POLR2M: variants seen among roughly 807,000 people sequenced by gnomAD.
POLR2M encodes the protein RNA polymerase II subunit M.
A neutral mutation model predicts 34.6 loss-of-function variants in POLR2M; 30 were observed. The ratio of observed to expected loss-of-function variants is 0.87; its 90% CI spans 0.65 to 1.18. The LOEUF is 1.18. Among genes scored for constraint, POLR2M ranks in the 50% most tolerant of loss-of-function variants. The pLI, the probability that POLR2M is intolerant of heterozygous loss-of-function variation, is 0.00. For synonymous variants in POLR2M, 150 were observed against 166.7 expected (o/e 0.90, Z 0.77); for missense variants, 432 against 448.7 (o/e 0.96, Z 0.34).
chr15:57,713,351 G>A (rs1253097880), intron 3 of POLR2M, among the ~76,000 whole-genome samples: 26 of 152,136 alleles, frequency 1.7e-4, no homozygotes, highest in Non-Finnish European at 3.5e-4. Flanking sequence ...TAGCATTGAG[G>A]AAGTGTTTAC....
intron 2 of POLR2M, among the ~76,000 whole-genome samples, chr15:57,711,767 G>C (rs1302283564): frequency 6.9e-6 from 1 of 145,732 alleles, no homozygotes; most frequent in African/African-American, 2.6e-5. Context: ...AAAAACTCCA[G>C]ATGAAATACA....
In POLR2M at chr15:57,709,282, A is replaced by G; in HGVS notation, c.682A>G (p.Lys228Glu). ...LTGLSSGTEKKPHYMEVLEMR... is the reference protein window; with the variant it reads ...LTGLSSGTEKEPHYMEVLEMR... Reference sequence around the variant, plus strand: ...AGGCCTTTCCAGTGGGACTGAGAAGAAACCTCATTACATGGAAGTGCTAGA... The same window carrying G: ...AGGCCTTTCCAGTGGGACTGAGAAGGAACCTCATTACATGGAAGTGCTAGA... Residue 228 changes from lysine (K) to glutamate (E), a missense_variant, in exon 2 of 4, where the codon AAA becomes GAA. By Grantham distance (56) the Lys-to-Glu change is moderately conservative. Transcript: ENST00000299638. 6.2e-7 allele frequency: 1 copy of G among 1,614,244 alleles called. No homozygotes were observed. Among genetic ancestry groups the G allele is most frequent in the Non-Finnish European group, 8.5e-7 (1 of 1,180,038 alleles).
rs1176450437 is a variant in POLR2M, at chr15:57,707,250, G to A, written c.113+295G>A. On this transcript the variant is annotated intron_variant, in intron 1 of 3. Transcript: ENST00000299638. ...CCCGGGGACTGTGGTGGTTCCATGAGTCTGCTTTCTAAACCCTTTTGTCGC... is the reference window on the plus strand; with the variant it reads ...CCCGGGGACTGTGGTGGTTCCATGAATCTGCTTTCTAAACCCTTTTGTCGC... 9 of 1,172,394 alleles carry A rather than the reference G, an allele frequency of 7.7e-6. No homozygotes were observed. The African/African-American group carries it at 1.2e-4, about 16-fold the overall frequency. The allele number at this position is 1,172,394 out of a possible 1,614,324, so 72.6% of individuals were successfully genotyped here. A position where few individuals can be genotyped will look rare whatever the true frequency, so the allele number is the denominator to read the frequency against.
At chr15:57,707,478 C>G (rs774699983) in intron 1 of POLR2M, 1 of 534,350 alleles carries the variant, frequency 1.9e-6, no homozygotes, top group Non-Finnish European at 3.6e-6. Context: ...CAGCTTTGTT[C>G]AGCAGCTTGT....
intron 1 of POLR2M, 84 bp downstream of exon 1, chr15:57,707,039 C>T (rs758097041): frequency 6.4e-7 from 1 of 1,551,740 alleles, no homozygotes; most frequent in Admixed American, 2.0e-5. Flanking sequence ...GCACTCTGTT[C>T]CCTTCCCTGG....
At chr15:57,712,343 T>C (rs1371379310) in intron 3 of POLR2M, among the ~76,000 whole-genome samples, 155 bp downstream of exon 3, 1 of 152,176 alleles carries the variant, frequency 6.6e-6, no homozygotes, top group African/African-American at 2.4e-5. Context: ...AGTCACAAAG[T>C]TGCTAGAACT....
Position 57,714,567 on chromosome 15 carries a change from T to C in POLR2M, c.995T>C (p.Leu332Ser), listed in dbSNP as rs1301368207. Residue 332 changes from leucine to serine, a missense_variant, in exon 4 of 4, where the codon TTA (leucine) becomes TCA (serine). Coordinates refer to ENST00000299638, the MANE Select transcript of POLR2M (RefSeq NM_015532.5). Reference sequence around the variant, plus strand: ...CAAGCAAAGCTCGCAGCGCAAAAATTAGCTGAAAGACTGAATATTAAAATG... The same window carrying C: ...CAAGCAAAGCTCGCAGCGCAAAAATCAGCTGAAAGACTGAATATTAAAATG... ...EMQAKLAAQKLAERLNIKMRS... is the reference protein window; with the variant it reads ...EMQAKLAAQKSAERLNIKMRS... 1 of 1,613,760 alleles carries C rather than the reference T, an allele frequency of 6.2e-7. No individual in the cohort carries two copies.
chr15:57,710,491 T>C (rs1372254003), intron 2 of POLR2M, among the ~76,000 whole-genome samples: 2 of 152,228 alleles, frequency 1.3e-5, no homozygotes, highest in Non-Finnish European at 2.9e-5. Context: ...CCAGCATTCA[T>C]TTTAACCTCA....
rs758533774 is a variant in POLR2M, at chr15:57,708,855, G to A, written c.255G>A (p.Arg85=). Residue 85 remains arginine, a synonymous_variant, in exon 2 of 4, where the codon AGG becomes AGA. Coordinates refer to ENST00000299638, the MANE Select transcript of POLR2M (RefSeq NM_015532.5). ...FNPVSLDCKL[R]QKAIAEVDVG... is the part of the protein sequence containing the mutation. Reference sequence around the variant, plus strand: ...CTGTTAGTTTAGACTGTAAGCTAAGGCAAAAAGCAATTGCAGAAGTTGATG... The same window carrying A: ...CTGTTAGTTTAGACTGTAAGCTAAGACAAAAAGCAATTGCAGAAGTTGATG... 6.2e-7 allele frequency: 1 copy of A among 1,613,978 alleles called. No homozygotes were observed. Among genetic ancestry groups the A allele is most frequent in the South Asian group, 1.1e-5 (1 of 91,078 alleles).
chr15:57,714,576 G>C lies in POLR2M; in HGVS notation c.1004G>C (p.Arg335Thr), dbSNP rs769873309. 6.2e-7 allele frequency: 1 copy of C among 1,613,866 alleles called. No homozygotes were observed. Among genetic ancestry groups the C allele is most frequent in the South Asian group, 1.1e-5 (1 of 91,058 alleles). ...AKLAAQKLAE[R>T]LNIKMRSYNP... ...CTCGCAGCGCAAAAATTAGCTGAAA[G>C]ACTGAATATTAAAATGCGGAGTTAT... Residue 335 changes from arginine (R) to threonine (T), a missense_variant, in exon 4 of 4, where the codon AGA becomes ACA. Physicochemically the swap from Arg to Thr is moderately conservative, Grantham distance 71. Coordinates refer to ENST00000299638, the MANE Select transcript of POLR2M (RefSeq NM_015532.5).
At chr15:57,713,805 A>G (rs2040831165) in intron 3 of POLR2M, among the ~76,000 whole-genome samples, 1 of 138,172 alleles carries the variant, frequency 7.2e-6, no homozygotes, top group Non-Finnish European at 1.5e-5. Flanking sequence ...AGAAATCTAG[A>G]CAGCATTAGT....
chr15:57,714,794 C>G lies in POLR2M; in HGVS notation c.*115C>G. On this transcript the variant is annotated 3_prime_UTR_variant, in exon 4 of 4. Coordinates refer to ENST00000299638, the MANE Select transcript of POLR2M (RefSeq NM_015532.5). ...AGGGAAGTAATTTTATAAAGTTACA[C>G]AAAGGTAGTTATAAAAAAAGCCCAG... The G allele has an allele frequency of 6.7e-7, 1 of 1,482,754 alleles. No individual in the cohort carries two copies. Among genetic ancestry groups the G allele is most frequent in the Non-Finnish European group, 9.0e-7 (1 of 1,109,310 alleles). 91.8% of individuals were successfully genotyped at this position (1,482,754 alleles called of 1,614,324 possible).
rs2040877129 is a variant in POLR2M, at chr15:57,714,722, AC to A, written c.*44del. On this transcript the variant is annotated 3_prime_UTR_variant, in exon 4 of 4. Transcript: ENST00000299638. ...ACTGACGTTGAGATGTCATCATCTT[AC>A]ATCAGACTTTCTAACTAGTATCAAG... 6.3e-7 allele frequency: 1 copy of A among 1,592,492 alleles called. No homozygotes were observed.
At chr15:57,708,669 T>TA (rs770681312) in intron 1 of POLR2M, 45 bp from the exon 2 acceptor site, 15 of 1,489,020 alleles carry the variant, frequency 1.0e-5, no homozygotes, top group Admixed American at 4.7e-5. Flanking sequence ...TATCTCAAGT[T>TA]AAAAAAATGG....
chr15:57,710,048 A>G (rs1259155868), intron 2 of POLR2M, among the ~76,000 whole-genome samples: 2 of 152,228 alleles, frequency 1.3e-5, no homozygotes, highest in Non-Finnish European at 2.9e-5. Context: ...GCTGTAATGT[A>G]TACATGTGTA....
At chr15:57,713,943 G>A (rs997534417) in intron 3 of POLR2M, among the ~76,000 whole-genome samples, 3 of 136,328 alleles carry the variant, frequency 2.2e-5, no homozygotes, top group Non-Finnish European at 4.6e-5. Context: ...CCGGGTTCAC[G>A]CCATTCTTGT....
chr15:57,711,665 A>G (rs1261716224), intron 2 of POLR2M, among the ~76,000 whole-genome samples: 2 of 149,826 alleles, frequency 1.3e-5, no homozygotes, highest in African/African-American at 4.9e-5. Context: ...TATCTCTGGT[A>G]TTGTATTGCA....
intron 2 of POLR2M, among the ~76,000 whole-genome samples, chr15:57,711,007 GT>G (rs1349271355): frequency 6.6e-6 from 1 of 152,096 alleles, no homozygotes; most frequent in African/African-American, 2.4e-5. Context: ...AGAACTTTAG[GT>G]TTGCATAGCC....
chr15:57,712,328 CAG>C (rs1298160560), intron 3 of POLR2M, 140 bp downstream of exon 3: 2 of 997,932 alleles, frequency 2.0e-6, no homozygotes, highest in Non-Finnish European at 2.9e-6. Flanking sequence ...CACTAGTTTT[CAG>C]AGAGTCACAA....
Sources: gnomAD v4.1 joint callset for allele counts (sites outside exome capture counted in the v4.1 genomes callset) on GRCh38, gnomAD v4.1.1 for gene constraint, MANE v1.5 for transcripts, NCBI Gene and HGNC (gene_info 2026-07-23, HGNC 2026-07-21) for gene names.